The following BCKDHA variants were observed in gnomAD, a reference collection of about 807,000 sequenced individuals.
BCKDHA encodes branched chain keto acid dehydrogenase E1 subunit alpha.
A neutral mutation model predicts 52.2 loss-of-function variants in BCKDHA; 43 were observed. The ratio of observed to expected loss-of-function variants is 0.82; its 90% CI spans 0.64 to 1.06. BCKDHA has a LOEUF of 1.06. Among genes scored for constraint, BCKDHA ranks in the 50% least tolerant of loss-of-function variants. The pLI is 0.00. For missense variants in BCKDHA, 527 were observed against 621.3 expected (o/e 0.85, Z 1.61); for synonymous variants, 234 against 247.9 (o/e 0.94, Z 0.53).
intron 4 of BCKDHA, 94 bp downstream of exon 4, chr19:41,414,251 A>G: frequency 2.4e-6 from 3 of 1,225,702 alleles, no homozygotes; most frequent in South Asian, 2.5e-5. Flanking sequence ...AGTGCCAGGA[A>G]GGTCTAAGGA....
chr19:41,412,105 G>A (rs2123256523), intron 3 of BCKDHA, among the ~76,000 whole-genome samples: 1 of 152,252 alleles, frequency 6.6e-6, no homozygotes, highest in South Asian at 2.1e-4. Flanking sequence ...ATGTCCATCC[G>A]TATGCCAGGG....
chr19:41,417,212 C>T (rs1259974003), intron 4 of BCKDHA, among the ~76,000 whole-genome samples: 5 of 151,860 alleles, frequency 3.3e-5, no homozygotes, highest in African/African-American at 4.8e-5. Context: ...GACGGGGTTT[C>T]GCTGTGTTGC....
intron 4 of BCKDHA, 24 bp from the exon 5 acceptor site, chr19:41,419,111 A>C (rs1568506528): frequency 6.2e-7 from 1 of 1,613,936 alleles, no homozygotes; most frequent in Non-Finnish European, 8.5e-7. Context: ...CCACTCGGCT[A>C]ACCATTGCCT....
chr19:41,408,822 G>A lies in BCKDHA; in HGVS notation c.109-1815G>A, dbSNP rs181738945. Reference sequence around the variant, plus strand: ...TTTGTAGAGATGTGATCTCAGGCTGGTCTTGAACTCCTGGGCTCACCTGGG... The same window carrying A: ...TTTGTAGAGATGTGATCTCAGGCTGATCTTGAACTCCTGGGCTCACCTGGG... On this transcript the variant is annotated intron_variant, in intron 1 of 8. Transcript: ENST00000269980. 3.7e-3 allele frequency among the ~76,000 whole-genome samples: 559 copies of A among 152,126 alleles called. 2 individuals carry two copies. The highest frequency in any genetic ancestry group is 0.013 in the African/African-American group (530 of 41,498).
At chr19:41,417,212 C>A (rs1259974003) in intron 4 of BCKDHA, among the ~76,000 whole-genome samples, 1 of 151,860 alleles carries the variant, frequency 6.6e-6, no homozygotes, top group Non-Finnish European at 1.5e-5. Context: ...GACGGGGTTT[C>A]GCTGTGTTGC....
chr19:41,399,503 C>G (rs2039113695), intron 1 of BCKDHA: 1 of 151,886 alleles, frequency 6.6e-6, no homozygotes, highest in East Asian at 1.9e-4. Flanking sequence ...CTCTTGATTA[C>G]CTTTCCTCTT....
chr19:41,420,741 C>A (rs2039355513), intron 5 of BCKDHA, among the ~76,000 whole-genome samples: 1 of 152,204 alleles, frequency 6.6e-6, no homozygotes, highest in South Asian at 2.1e-4. Context: ...CCTCAGTCCT[C>A]AGAGTCAAGT....
intron 8 of BCKDHA, 28 bp from the exon 9 acceptor site, chr19:41,424,410 G>C (rs2039404569): frequency 6.2e-7 from 1 of 1,613,088 alleles, no homozygotes; most frequent in African/African-American, 1.3e-5. Flanking sequence ...AGGCCGGCTA[G>C]CCTGCCCACT....
At chr19:41,405,952 G>T (rs1309471331) in intron 1 of BCKDHA, among the ~76,000 whole-genome samples, 1 of 152,118 alleles carries the variant, frequency 6.6e-6, no homozygotes, top group Non-Finnish European at 1.5e-5. Flanking sequence ...TGGCCACCGG[G>T]ACAGACTCCC....
chr19:41,398,386 T>C (rs184331834), intron 1 of BCKDHA, among the ~76,000 whole-genome samples: 2 of 152,226 alleles, frequency 1.3e-5, no homozygotes, highest in Non-Finnish European at 2.9e-5. Flanking sequence ...ACAGGCTGCA[T>C]AGGGCCTTGT....
intron 5 of BCKDHA, 146 bp downstream of exon 5, chr19:41,419,442 C>A (rs1053309148): frequency 4.7e-5 from 53 of 1,118,212 alleles, no homozygotes; most frequent in Non-Finnish European, 6.2e-5. Flanking sequence ...ACTTCTTCTT[C>A]TTATTTTTTT....
chr19:41,412,877 T>C (rs1208256090), intron 3 of BCKDHA, among the ~76,000 whole-genome samples: 1 of 151,952 alleles, frequency 6.6e-6, no homozygotes, highest in Non-Finnish European at 1.5e-5. Flanking sequence ...CTAATTTTTG[T>C]ATTTTTAGTA....
chr19:41,410,846 C>G, intron 2 of BCKDHA, 30 bp downstream of exon 2: 1 of 1,613,040 alleles, frequency 6.2e-7, no homozygotes, highest in Non-Finnish European at 8.5e-7. Flanking sequence ...ACTTCCCGTG[C>G]CCCCCACGCC....
At chr19:41,407,991 T>A (rs545011434) in intron 1 of BCKDHA, among the ~76,000 whole-genome samples, 33 of 147,402 alleles carry the variant, frequency 2.2e-4, no homozygotes, top group African/African-American at 8.4e-4. Context: ...GGTCTCACTT[T>A]GTCCCCCAGG....
chr19:41,419,137 G>A lies in BCKDHA; in HGVS notation c.487G>A (p.Val163Met), dbSNP rs2039337047. The A allele has an allele frequency of 6.2e-7, 1 of 1,614,128 alleles. No individual in the cohort carries two copies. ...ACCATTGCCTCCTCCCCTCCTAGGT[G>A]TGCTGATGTATCGGGACTACCCCCT... is the stretch of plus-strand genomic sequence containing the variant. ...LVFGQYREAG[V>M]LMYRDYPLEL... is the part of the protein sequence containing the mutation. The change falls in exon 5 of 9, where the codon GTG (valine) becomes ATG (methionine). Residue 163 changes from valine to methionine, a missense_variant and splice_region_variant. Physicochemically the swap from Val to Met is conservative, Grantham distance 21. Transcript: ENST00000269980.
At chr19:41,416,608 C>T (rs909951241) in intron 4 of BCKDHA, among the ~76,000 whole-genome samples, 2 of 152,082 alleles carry the variant, frequency 1.3e-5, no homozygotes, top group Admixed American at 6.6e-5. Flanking sequence ...GAGTGGCGCC[C>T]GGTGAAAAGG....
At chr19:41,404,793 C>T (rs529184681) in intron 1 of BCKDHA, among the ~76,000 whole-genome samples, 3 of 152,010 alleles carry the variant, frequency 2.0e-5, no homozygotes, top group African/African-American at 4.8e-5. Context: ...GGGGTTTCAC[C>T]ATCGTGATCA....
intron 1 of BCKDHA, chr19:41,399,634 C>T (rs2039114914): frequency 6.6e-6 from 1 of 151,382 alleles, no homozygotes; most frequent in African/African-American, 2.4e-5. Context: ...ATTTCTCCCA[C>T]CTGTTCTTTC....
At position 41,398,498 on chromosome 19, in the gene BCKDHA, G is replaced by C. The variant is rs2039101874; in HGVS notation, c.108+563G>C. ...GATCGAATATCAAGACAGAGAATTC[G>C]TGTGTTCTGGACACTGTACAGAGGA... is the stretch of plus-strand genomic sequence containing the variant. On this transcript the variant is annotated intron_variant, in intron 1 of 8. Transcript: ENST00000269980. Among the ~76,000 whole-genome samples, 2 of 152,156 alleles carry C rather than the reference G, an allele frequency of 1.3e-5. 1 individual carries two copies. The highest frequency in any genetic ancestry group is 4.8e-5 in the African/African-American group (2 of 41,440).
Sources: allele counts gnomAD v4.1 joint callset (sites outside exome capture counted in the v4.1 genomes callset), GRCh38; gene constraint gnomAD v4.1.1; transcripts MANE v1.5; gene names NCBI Gene and HGNC (gene_info 2026-07-23, HGNC 2026-07-21).